GRM8: variants seen among roughly 807,000 people sequenced by gnomAD.
The protein encoded by GRM8 is glutamate metabotropic receptor 8.
Under a neutral mutation model 87.2 loss-of-function variants are expected in GRM8, and 47 were observed. The ratio of observed to expected loss-of-function variants is 0.54; its 90% CI spans 0.43 to 0.69. The LOEUF (loss-of-function observed/expected upper bound fraction) is 0.69, where lower values mean the gene tolerates loss of function less well. Among genes scored for constraint, GRM8 ranks in the 30% least tolerant of loss-of-function variants. The pLI is 0.00. For synonymous variants in GRM8, 396 were observed against 404.5 expected, an observed-to-expected ratio of 0.98 and a Z score of 0.25; for missense variants, 1,019 against 1,139.2, an observed-to-expected ratio of 0.89 and a Z score of 1.52.
intron 6 of GRM8, among the ~76,000 whole-genome samples, chr7:126,779,483 A>T (rs1435807197): frequency 6.6e-6 from 1 of 152,100 alleles, no homozygotes; most frequent in African/African-American, 2.4e-5. Flanking sequence ...TTAGTCTAAT[A>T]GTCTTTATAA....
intron 2 of GRM8, among the ~76,000 whole-genome samples, chr7:127,113,719 A>G (rs1375616816): frequency 6.6e-6 from 1 of 152,138 alleles, no homozygotes; most frequent in African/African-American, 2.4e-5. Flanking sequence ...ATAGCTTCCT[A>G]CCACCTGGCC....
intron 6 of GRM8, among the ~76,000 whole-genome samples, chr7:126,782,748 A>AG (rs752322052): frequency 1.5e-4 from 23 of 152,306 alleles, no homozygotes; most frequent in Non-Finnish European, 2.5e-4. Context: ...TGAAAATTTT[A>AG]GGGTGTCTGT....
At chr7:127,234,016 G>C (rs1165885922) in intron 2 of GRM8, among the ~76,000 whole-genome samples, 2 of 152,224 alleles carry the variant, frequency 1.3e-5, no homozygotes, top group African/African-American at 2.4e-5. Context: ...TTGCCAGAAA[G>C]TGTGTTATAT....
At chr7:126,850,188 A>C (rs1439172141) in intron 6 of GRM8, among the ~76,000 whole-genome samples, 1 of 152,128 alleles carries the variant, frequency 6.6e-6, no homozygotes, top group African/African-American at 2.4e-5. Flanking sequence ...TCCTTGTCTT[A>C]TTTGACCGCT....
chr7:127,083,883 T>C (rs148476236), intron 3 of GRM8, among the ~76,000 whole-genome samples: 2 of 152,258 alleles, frequency 1.3e-5, no homozygotes, highest in Non-Finnish European at 2.9e-5. Context: ...CCACTGTAAG[T>C]AACACCCCCT....
intron 7 of GRM8, among the ~76,000 whole-genome samples, chr7:126,732,334 C>T (rs377163372): frequency 2.4e-4 from 36 of 152,034 alleles, no homozygotes; most frequent in African/African-American, 8.2e-4. Flanking sequence ...TATATCCATT[C>T]GGAGCAACAG....
intron 7 of GRM8, among the ~76,000 whole-genome samples, chr7:126,728,164 C>A (rs1156329879): frequency 6.6e-6 from 1 of 152,150 alleles, no homozygotes; most frequent in Non-Finnish European, 1.5e-5. Context: ...CTCCCCACTG[C>A]CATTAGTGCT....
chr7:127,068,463 C>T (rs1449069178), intron 3 of GRM8, among the ~76,000 whole-genome samples: 1 of 152,120 alleles, frequency 6.6e-6, no homozygotes, highest in African/African-American at 2.4e-5. Flanking sequence ...AGACATGGGA[C>T]TTTTGGTGCT....
intron 3 of GRM8, among the ~76,000 whole-genome samples, chr7:126,948,250 A>G (rs1476412573): frequency 6.6e-6 from 1 of 152,016 alleles, no homozygotes; most frequent in Non-Finnish European, 1.5e-5. Context: ...CTCTGCATGA[A>G]GAGACAGGGA....
rs1391525245 is a variant in GRM8, at chr7:126,515,751, T to TGCCTCCCTCTTCC, written c.2430+17188_2430+17200dup. Among the ~76,000 whole-genome samples, 6 of 152,112 alleles carry TGCCTCCCTCTTCC rather than the reference T, an allele frequency of 3.9e-5. No homozygotes were observed. In the South Asian group the frequency reaches 6.2e-4, roughly 16 times the overall value. ...TCTCAGGTCGCACTACTGACTCTTC[T>TGCCTCCCTCTTCC]GCCTCCCTCTTCCATATCTGAGACA... On this transcript the variant is annotated intron_variant, in intron 9 of 10. Coordinates refer to ENST00000339582, the MANE Select transcript of GRM8 (RefSeq NM_000845.3).
chr7:126,467,133 A>C (rs151077329), intron 9 of GRM8, among the ~76,000 whole-genome samples: 1 of 151,486 alleles, frequency 6.6e-6, no homozygotes, highest in African/African-American at 2.4e-5. Context: ...CCCTAATGCT[A>C]TCCCTCTCCT....
chr7:126,912,251 C>T (rs1227718957), intron 3 of GRM8, among the ~76,000 whole-genome samples: 1 of 151,986 alleles, frequency 6.6e-6, no homozygotes, highest in African/African-American at 2.4e-5. Context: ...AAGATTAGCA[C>T]TTGAATTAGT....
rs546654542 is a variant in GRM8 at position 127,236,195 on chromosome 7, T to C, written c.510+6500A>G. On this transcript the variant is annotated intron_variant, in intron 2 of 10. Coordinates refer to ENST00000339582, the MANE Select transcript of GRM8 (RefSeq NM_000845.3). The stretch of plus-strand genomic sequence containing the variant: ...CTACTCTTTCAACAATTTTGAAATA[T>C]ACACGCAATTTCTTAATGTTAAAAA... Among the ~76,000 whole-genome samples the C allele has an allele frequency of 1.1e-4, 17 of 152,340 alleles. No homozygotes were observed. The East Asian group carries it at 2.7e-3, about 24-fold the overall frequency.
rs1245423038 is a variant in GRM8 at position 126,533,475 on chromosome 7, G to A, written c.1907C>T (p.Thr636Met). ...LTGIFLCYSI[T>M]FLMIAAPDTI... ...ATCTGGTGCTGCAATCATTAAAAAC[G>A]TGATTGAATAACAGAGAAAAATCCC... The change falls in exon 9 of 11, where the codon ACG becomes ATG. Residue 636 changes from threonine to methionine, a missense_variant. By Grantham distance (81) the Thr-to-Met change is moderately conservative. Coordinates refer to ENST00000339582, the MANE Select transcript of GRM8 (RefSeq NM_000845.3). 7 of 1,613,934 alleles carry A rather than the reference G, an allele frequency of 4.3e-6. No individual in the cohort carries two copies. The highest frequency in any genetic ancestry group is 2.2e-5 in the South Asian group (2 of 91,076).
chr7:126,699,398 G>A (rs1398182434), intron 7 of GRM8, among the ~76,000 whole-genome samples: 1 of 152,166 alleles, frequency 6.6e-6, no homozygotes, highest in Non-Finnish European at 1.5e-5. Flanking sequence ...GATGCAGTAT[G>A]TAAGAAAATT....
At chr7:126,988,070 C>T (rs983819259) in intron 3 of GRM8, among the ~76,000 whole-genome samples, 2 of 131,842 alleles carry the variant, frequency 1.5e-5, no homozygotes, top group Admixed American at 7.4e-5. Flanking sequence ...TAAAGCTCTT[C>T]GTTTAAAAAA....
intron 2 of GRM8, among the ~76,000 whole-genome samples, chr7:127,234,694 A>G (rs970657280): frequency 6.6e-6 from 1 of 152,178 alleles, no homozygotes; most frequent in Non-Finnish European, 1.5e-5. Flanking sequence ...GCCTCCCCGG[A>G]CCCACTGAAT....
intron 3 of GRM8, among the ~76,000 whole-genome samples, chr7:126,954,923 C>T (rs185110300): frequency 6.6e-6 from 1 of 152,270 alleles, no homozygotes; most frequent in East Asian, 1.9e-4. Flanking sequence ...GAAGAAGAGT[C>T]TGTGAATAAA....
chr7:126,762,722 A>G (rs1817709448), intron 7 of GRM8, among the ~76,000 whole-genome samples: 1 of 151,992 alleles, frequency 6.6e-6, no homozygotes, highest in African/African-American at 2.4e-5. Flanking sequence ...GGTTTTAGTT[A>G]AAAACAAAGT....
Sources: allele counts gnomAD v4.1 joint callset (sites outside exome capture counted in the v4.1 genomes callset), GRCh38; gene constraint gnomAD v4.1.1; transcripts MANE v1.5; gene names NCBI Gene and HGNC (gene_info 2026-07-23, HGNC 2026-07-21).